Variants in MCF2 observed in about 807,000 individuals in gnomAD.
The protein encoded by MCF2 is proto-oncogene DBL.
MCF2 carries 44 observed loss-of-function variants against 82.5 expected under a neutral mutation model. The ratio of observed to expected loss-of-function variants is 0.53; its 90% CI spans 0.42 to 0.69. The LOEUF is 0.69. Ranked by LOEUF, MCF2 falls within the 30% of genes least tolerant of loss-of-function variation. The pLI is 0.00. For missense variants in MCF2, 623 were observed against 663.1 expected (o/e 0.94, Z 0.66); for synonymous variants, 217 against 224.9 (o/e 0.96, Z 0.32).
chrX:139,613,255 C>T (rs1423440138), intron 10 of MCF2: 2 of 1,144,696 alleles, frequency 1.7e-6, no homozygotes, highest in East Asian at 3.3e-5. Context: ...AAAGAGTATC[C>T]AACTCCCACT....
chrX:139,640,258 A>C (rs1189440607), intron 1 of MCF2, among the ~76,000 whole-genome samples: 1 of 111,981 alleles, frequency 8.9e-6, no homozygotes, highest in Non-Finnish European at 1.9e-5. Flanking sequence ...TGTCAGACAA[A>C]TGTTGAGATG....
intron 16 of MCF2, among the ~76,000 whole-genome samples, chrX:139,601,239 G>C (rs1930533705): frequency 9.0e-6 from 1 of 111,619 alleles, no homozygotes. Flanking sequence ...AAACCTCCAA[G>C]TAAATTTGTA....
chrX:139,632,199 T>A (rs1291960767), intron 2 of MCF2, 136 bp downstream of exon 5: 4 of 421,241 alleles, frequency 9.5e-6, no homozygotes, highest in Non-Finnish European at 1.5e-5. Context: ...TTTTGGGCAT[T>A]TCAAATGTAT....
chrX:139,632,483 G>GA (rs758956118), intron 1 of MCF2, 29 bp from the exon 5 acceptor site: 64 of 1,164,326 alleles, frequency 5.5e-5, no homozygotes, highest in Non-Finnish European at 6.3e-5. Flanking sequence ...AAAGAAATTG[G>GA]AAAAAAAATT....
At chrX:139,655,856 CTTTCTCTTGCCTAG>C (rs1934179628) in intron 1 of MCF2, among the ~76,000 whole-genome samples, 1 of 111,536 alleles carries the variant, frequency 9.0e-6, no homozygotes, top group African/African-American at 3.3e-5. Flanking sequence ...CCCCTTATTT[CTTTCTCTTGCCTAG>C]TTTCTCTGGC....
chrX:139,700,837 C>T lies in MCF2; in HGVS notation c.-45+7269G>A, dbSNP rs149809575. ...AAGTCATGAGTAAATGTTCAGGGAA[C>T]CCCAGCTTAGGATGAGGTGGGAGAT... On this transcript the variant is annotated intron_variant, in intron 1 of 27. Coordinates refer to the MCF2 transcript ENST00000414978. Among the ~76,000 whole-genome samples, 307 of 112,043 alleles carry T rather than the reference C, an allele frequency of 2.7e-3. 1 individual carries two copies. Among genetic ancestry groups the T allele is most frequent in the African/African-American group, 9.4e-3 (290 of 30,853 alleles).
chrX:139,587,125 C>A (rs1929039362), intron 22 of MCF2, among the ~76,000 whole-genome samples: 2 of 111,606 alleles, frequency 1.8e-5, no homozygotes, highest in African/African-American at 6.5e-5. Context: ...AATCTCTGTG[C>A]CAGGCCTTCA....
intron 1 of MCF2, among the ~76,000 whole-genome samples, chrX:139,660,149 A>G (rs929847313): frequency 6.3e-5 from 7 of 111,942 alleles, no homozygotes; most frequent in African/African-American, 2.3e-4. Context: ...TAGGAGATTC[A>G]GCAAAGCTTT....
exon 3 of MCF2, chrX:139,631,418 T>G (rs750217116): frequency 8.3e-7 from 1 of 1,197,929 alleles, no homozygotes. Context: ...ATCCATTCAC[T>G]GTGGCAGTAC....
chrX:139,678,523 GT>G (rs1202699208), intron 1 of MCF2, among the ~76,000 whole-genome samples: 10 of 112,160 alleles, frequency 8.9e-5, no homozygotes, highest in African/African-American at 3.2e-4. Context: ...GATAAAGAAA[GT>G]GATGAGACAG....
chrX:139,619,141 A>G (rs1389566239), intron 7 of MCF2, among the ~76,000 whole-genome samples: 1 of 110,990 alleles, frequency 9.0e-6, no homozygotes, highest in Non-Finnish European at 1.9e-5. Context: ...TTCTTCATAC[A>G]CATTTTTCTA....
chrX:139,602,436 C>T lies in MCF2; in HGVS notation c.1806G>A (p.Trp602Ter), dbSNP rs753865095. The change falls in exon 16 of 25, where the codon TGG becomes TGA. Residue 602 changes from tryptophan (W) to a stop codon, truncating the protein, a stop_gained. Transcript: ENST00000370576. LOFTEE classifies it high-confidence loss of function. ...AAAATGCGCATTCTGAATACTTCCTCCAAATTGTTTCTGATCTGGGCTTAT... is the reference window on the plus strand; with the variant it reads ...AAAATGCGCATTCTGAATACTTCCTTCAAATTGTTTCTGATCTGGGCTTAT... The T allele has an allele frequency of 8.3e-7, 1 of 1,204,800 alleles. No individual in the cohort carries two copies. The highest frequency in any genetic ancestry group is 1.1e-6 in the Non-Finnish European group (1 of 890,377).
intron 1 of MCF2, among the ~76,000 whole-genome samples, chrX:139,674,267 C>G (rs1348279639): frequency 9.0e-6 from 1 of 111,709 alleles, no homozygotes; most frequent in Non-Finnish European, 1.9e-5. Context: ...GGTCTTGACT[C>G]TTTATCCAAT....
At chrX:139,607,864 T>C (rs1212044761) in intron 11 of MCF2, 85 bp from the exon 16 acceptor site, 2 of 582,271 alleles carry the variant, frequency 3.4e-6, no homozygotes, top group Non-Finnish European at 5.6e-6. Flanking sequence ...TTAAGTTTAT[T>C]CTAGGTCCTA....
Position 139,653,082 on chromosome X carries a change from G to A in MCF2, c.-44-1294C>T, listed in dbSNP as rs745788379. Among the ~76,000 whole-genome samples the A allele has an allele frequency of 2.4e-3, 264 of 111,473 alleles. 1 individual carries two copies. Among genetic ancestry groups the A allele is most frequent in the Non-Finnish European group, 4.0e-3 (211 of 53,056 alleles). The stretch of plus-strand genomic sequence containing the variant: ...CTTGTAATTTTATATATTTAGACTC[G>A]ATATATTTCAGATCAAGGCATGCAC... On this transcript the variant is annotated intron_variant, in intron 1 of 27. Transcript: ENST00000414978.
exon 2 of MCF2, chrX:139,632,376 CAATGTCTGTGAACGTTCGTTGAAG>C: frequency 8.3e-7 from 1 of 1,199,746 alleles, no homozygotes; most frequent in South Asian, 1.8e-5. Flanking sequence ...AACCAAAATC[CAATGTCTGTGAACGTTCGTTGAAG>C]AAAGCTGGTA....
intron 1 of MCF2, among the ~76,000 whole-genome samples, chrX:139,633,612 G>A (rs1362485675): frequency 1.8e-5 from 2 of 111,145 alleles, no homozygotes; most frequent in African/African-American, 6.5e-5. Context: ...ATGGGAGATG[G>A]TGTTGGGAAA....
chrX:139,670,459 C>T (rs1056311768), intron 1 of MCF2, among the ~76,000 whole-genome samples: 4 of 110,755 alleles, frequency 3.6e-5, no homozygotes, highest in African/African-American at 9.9e-5. Context: ...CTATCCCTCC[C>T]CCCTCCACCC....
chrX:139,629,330 A>G (rs1387971868), intron 4 of MCF2, among the ~76,000 whole-genome samples: 2 of 112,169 alleles, frequency 1.8e-5, no homozygotes, highest in Non-Finnish European at 3.8e-5. Flanking sequence ...AAGGTACAGT[A>G]AAAATATGGT....
Sources: gnomAD v4.1 joint callset for allele counts (sites outside exome capture counted in the v4.1 genomes callset) on GRCh38, gnomAD v4.1.1 for gene constraint, MANE v1.5 for transcripts, NCBI Gene and HGNC (gene_info 2026-07-23, HGNC 2026-07-21) for gene names.